Variants in IMPDH2 observed in about 807,000 individuals in gnomAD.
IMPDH2 encodes the protein inosine-5'-monophosphate dehydrogenase 2.
Under a neutral mutation model 57.8 loss-of-function variants are expected in IMPDH2, and 33 were observed. That is an observed-to-expected ratio of 0.57 (90% CI 0.43 to 0.76). The LOEUF is 0.76. Ranked by LOEUF, IMPDH2 falls within the 30% of genes least tolerant of loss-of-function variation. The pLI is 0.00. For missense variants in IMPDH2, 446 were observed against 659.1 expected (o/e 0.68, Z 3.54); for synonymous variants, 270 against 241.3 (o/e 1.12, Z -1.10).
At chr3:49,029,136 A>G in intron 1 of IMPDH2, 117 bp downstream of exon 1, 1 of 844,824 alleles carries the variant, frequency 1.2e-6, no homozygotes, top group Non-Finnish European at 1.9e-6. Context: ...TGGGTGGCCA[A>G]TTCCCGAAAC....
intron 9 of IMPDH2, 72 bp downstream of exon 9, chr3:49,026,250 AAG>A: frequency 8.9e-7 from 1 of 1,127,366 alleles, no homozygotes; most frequent in South Asian, 1.3e-5. Context: ...TTGTCCCCAT[AAG>A]AGTGCTTGGT....
Position 49,027,925 on chromosome 3 carries a change from G to A in IMPDH2, c.325-9C>T. 6.2e-7 allele frequency: 1 copy of A among 1,604,618 alleles called. No individual in the cohort carries two copies. Among genetic ancestry groups the A allele is most frequent in the Non-Finnish European group, 8.5e-7 (1 of 1,172,024 alleles). On this transcript the variant is annotated splice_polypyrimidine_tract_variant and intron_variant, in intron 4 of 13. Transcript: ENST00000326739. ...AATCCCTGTTCATATTTCTGGAAAG[G>A]GATGGTGAGAAAGGGCATCGCATCT...
chr3:49,028,586 G>A (rs2093209966), intron 2 of IMPDH2, 54 bp from the exon 3 acceptor site: 1 of 1,463,424 alleles, frequency 6.8e-7, no homozygotes, highest in Non-Finnish European at 9.6e-7. Flanking sequence ...ACCTCAAGGT[G>A]TTACTGAGTC....
chr3:49,027,803 G>C lies in IMPDH2; in HGVS notation c.438C>G (p.Asp146Glu), dbSNP rs757852081. ...RHGFCGIPIT[D>E]TGRMGSRLVG... is the part of the protein sequence containing the mutation. Reference sequence around the variant, plus strand: ...CCAAGCGGCTCCCCATCCGGCCTGTGTCTGTGATTGGGATACCGCAGAAAC... The same window carrying C: ...CCAAGCGGCTCCCCATCCGGCCTGTCTCTGTGATTGGGATACCGCAGAAAC... Residue 146 changes from aspartate (D) to glutamate (E), a missense_variant, in exon 5 of 14, where the codon GAC becomes GAG. Transcript: ENST00000326739. The C allele has an allele frequency of 1.2e-5, 20 of 1,614,054 alleles. No individual in the cohort carries two copies. The highest frequency in any genetic ancestry group is 1.7e-5 in the Non-Finnish European group (20 of 1,180,002).
At chr3:49,028,608 G>C (rs2093210094) in intron 2 of IMPDH2, 76 bp from the exon 3 acceptor site, 36 of 1,375,626 alleles carry the variant, frequency 2.6e-5, no homozygotes, top group Non-Finnish European at 3.6e-5. Context: ...CCCACAAAAA[G>C]GCACTTTTGT....
chr3:49,029,134 C>T, intron 1 of IMPDH2, 119 bp downstream of exon 1: 1 of 822,170 alleles, frequency 1.2e-6, no homozygotes, highest in South Asian at 1.4e-5. Context: ...GGTGGGTGGC[C>T]AATTCCCGAA....
chr3:49,028,217 A>G (rs2093207861), intron 4 of IMPDH2, 31 bp downstream of exon 4: 4 of 1,568,542 alleles, frequency 2.6e-6, no homozygotes, highest in Non-Finnish European at 3.5e-6. Flanking sequence ...AATTCCCAGG[A>G]GCGCTTGCTA....
intron 9 of IMPDH2, 197 bp downstream of exon 9, chr3:49,026,127 G>A: frequency 1.5e-6 from 1 of 684,842 alleles, no homozygotes; most frequent in Non-Finnish European, 2.7e-6. Context: ...AGAAGGCCAG[G>A]CTAGGCAAGG....
chr3:49,027,575 T>C, intron 5 of IMPDH2, 135 bp downstream of exon 5: 1 of 732,566 alleles, frequency 1.4e-6, no homozygotes, highest in South Asian at 1.7e-5. Flanking sequence ...AGGAACCCAA[T>C]AAAGGAGTCA....
At position 49,025,167 on chromosome 3, in the gene IMPDH2, A is replaced by G. The variant is rs878872594; in HGVS notation, c.1109T>C (p.Val370Ala). The G allele has an allele frequency of 1.2e-6, 2 of 1,614,220 alleles. No individual in the cohort carries two copies. Among genetic ancestry groups the G allele is most frequent in the South Asian group, 2.2e-5 (2 of 91,086 alleles). Residue 370 changes from valine to alanine, a missense_variant, in exon 10 of 14, where the codon GTG becomes GCG. Transcript: ENST00000326739. Reference sequence around the variant, plus strand: ...GGCCAAGGCTTTCGCAATATGACCCACATTTTGGATTCCTCCATCAGCAAT... The same window carrying G: ...GGCCAAGGCTTTCGCAATATGACCCGCATTTTGGATTCCTCCATCAGCAAT... ...PVIADGGIQN[V>A]GHIAKALALG... is the part of the protein sequence containing the mutation.
Position 49,026,319 on chromosome 3 carries a change from C to T in IMPDH2, c.1006+5G>A. ...TCTGTGGGCCCTATCAAAGTATATT[C>T]TTACCTTCCTGCGTAATGCAGATGG... On this transcript the variant is annotated splice_donor_5th_base_variant and intron_variant, in intron 9 of 13. Coordinates refer to ENST00000326739, the MANE Select transcript of IMPDH2 (RefSeq NM_000884.3). 2 of 1,597,162 alleles carry T rather than the reference C, an allele frequency of 1.3e-6. No homozygotes were observed. The highest frequency in any genetic ancestry group is 3.4e-5 in the Admixed American group (2 of 58,898).
chr3:49,029,388 G>A lies in IMPDH2; in HGVS notation c.-38C>T. 1 of 1,384,910 alleles carries A rather than the reference G, an allele frequency of 7.2e-7. No homozygotes were observed. 85.8% of individuals were successfully genotyped at this position (1,384,910 alleles called of 1,614,324 possible). A position where few individuals can be genotyped will look rare whatever the true frequency, so the allele number is the denominator to read the frequency against. On this transcript the variant is annotated 5_prime_UTR_variant, in exon 1 of 14. Coordinates refer to ENST00000326739, the MANE Select transcript of IMPDH2 (RefSeq NM_000884.3). ...ACACCGCCGCGTGTCTCCGAGGACC[G>A]CGCCGCAGAGACCTCTGCCGTCTGG... is the stretch of plus-strand genomic sequence containing the variant.
intron 6 of IMPDH2, 23 bp downstream of exon 6, chr3:49,026,937 C>T: frequency 2.5e-6 from 4 of 1,613,578 alleles, no homozygotes; most frequent in Non-Finnish European, 3.4e-6. Context: ...AGTTCCAGGC[C>T]CTTTCCCAGC....
At chr3:49,028,591 T>G in intron 2 of IMPDH2, 59 bp from the exon 3 acceptor site, 1 of 1,439,944 alleles carries the variant, frequency 6.9e-7, no homozygotes, top group Non-Finnish European at 9.8e-7. Flanking sequence ...AAGGTGTTAC[T>G]GAGTCCCCCA....
At position 49,025,152 on chromosome 3, in the gene IMPDH2, T is replaced by TG; in HGVS notation, c.1123_1124insC (p.Lys375ThrfsTer21). ...TGTGGAGGCCCCAAGGGCCAAGGCT[T>TG]TCGCAATATGACCCACATTTTGGAT... On this transcript the variant is annotated frameshift_variant, in exon 10 of 14. Transcript: ENST00000326739. LOFTEE classifies it high-confidence loss of function. 6.2e-7 allele frequency: 1 copy of TG among 1,614,160 alleles called. No homozygotes were observed. The highest frequency in any genetic ancestry group is 2.2e-5 in the East Asian group (1 of 44,880).
At chr3:49,027,187 G>C (rs553745897) in intron 5 of IMPDH2, 140 bp from the exon 6 acceptor site, 4 of 701,066 alleles carry the variant, frequency 5.7e-6, no homozygotes, top group South Asian at 4.7e-5. Flanking sequence ...GTAGAGACGG[G>C]GTTTCACCAT....
chr3:49,024,458 G>A, intron 13 of IMPDH2, 37 bp downstream of exon 13: 2 of 1,614,042 alleles, frequency 1.2e-6, no homozygotes, highest in Non-Finnish European at 8.5e-7. Flanking sequence ...GAGGCATGAG[G>A]TATGGCAGAG....
rs759813160 is a variant in IMPDH2, at chr3:49,027,703, C to T, written c.531+7G>A. ...GAGCTTGGATCTACTCTGCCAGTGG[C>T]ACCCACCTCTTCCAAGAAACAGTCA... On this transcript the variant is annotated splice_region_variant and intron_variant, in intron 5 of 13. Transcript: ENST00000326739. 4.3e-6 allele frequency: 7 copies of T among 1,612,734 alleles called. No homozygotes were observed. Among genetic ancestry groups the T allele is most frequent in the South Asian group, 3.3e-5 (3 of 91,056 alleles).
At chr3:49,026,634 CTGTGATG>C in intron 7 of IMPDH2, 25 bp from the exon 8 acceptor site, 1 of 1,612,406 alleles carries the variant, frequency 6.2e-7, no homozygotes, top group Non-Finnish European at 8.5e-7. Context: ...AAGTCTCAGA[CTGTGATG>C]TGGCAGCTGC....
Sources: allele counts gnomAD v4.1 joint callset, GRCh38; gene constraint gnomAD v4.1.1; transcripts MANE v1.5; gene names NCBI Gene and HGNC (gene_info 2026-07-23, HGNC 2026-07-21).